The following SNRNP200 variants were observed in gnomAD, a reference collection of about 807,000 sequenced individuals.
SNRNP200 encodes U5 small nuclear ribonucleoprotein 200 kDa helicase.
SNRNP200 carries 66 observed loss-of-function variants against 255.2 expected under a neutral mutation model. The ratio of observed to expected loss-of-function variants is 0.26; its 90% CI spans 0.21 to 0.32. The LOEUF is 0.32. Ranked by LOEUF, SNRNP200 falls within the 10% of genes least tolerant of loss-of-function variation. The pLI is 1.00. For missense variants in SNRNP200, 1,585 were observed against 2,749.8 expected, an observed-to-expected ratio of 0.58 and a Z score of 9.47; for synonymous variants, 939 against 1,027.8, an observed-to-expected ratio of 0.91 and a Z score of 1.65.
chr2:96,298,532 C>CT (rs2063933451), intron 8 of SNRNP200, 71 bp downstream of exon 8: 1 of 1,608,452 alleles, frequency 6.2e-7, no homozygotes, highest in Admixed American at 1.7e-5. Flanking sequence ...GCTGTGAAAA[C>CT]AACAGAATCT....
At chr2:96,292,030 G>A in intron 16 of SNRNP200, 130 bp from the exon 17 acceptor site, 1 of 1,003,072 alleles carries the variant, frequency 1.0e-6, no homozygotes, top group Non-Finnish European at 1.5e-6. Context: ...GCAGGAATGT[G>A]TGCAGGCTCA....
rs1327992391 is a variant in SNRNP200 at position 96,291,012 on chromosome 2, A to T, written c.2422-197T>A. Reference sequence around the variant, plus strand: ...GGGTTCCTCATCTATTCAGTAATGAACATTTCAAGGTTCCAGAGGCACAAG... The same window carrying T: ...GGGTTCCTCATCTATTCAGTAATGATCATTTCAAGGTTCCAGAGGCACAAG... On this transcript the variant is annotated intron_variant, in intron 18 of 44. Transcript: ENST00000323853. The surrounding 1 kb of genome is among the most constrained non-coding windows in gnomAD (Gnocchi z 4.2). 6.6e-6 allele frequency among the ~76,000 whole-genome samples: 1 copy of T among 152,194 alleles called. No individual in the cohort carries two copies. Among genetic ancestry groups the T allele is most frequent in the Non-Finnish European group, 1.5e-5 (1 of 68,020 alleles).
At position 96,300,984 on chromosome 2, in the gene SNRNP200, T is replaced by G. The variant is rs2063949035; in HGVS notation, c.630+14A>C. ...GTCAAAAACAAGAATGGACTGGGTA[T>G]GTTTATCACTCACCTCCTCATCAGA... On this transcript the variant is annotated intron_variant, in intron 5 of 44. Transcript: ENST00000323853. The G allele has an allele frequency of 6.2e-7, 1 of 1,610,840 alleles. No homozygotes were observed. The highest frequency in any genetic ancestry group is 1.7e-5 in the Admixed American group (1 of 60,000).
chr2:96,298,235 A>C, intron 9 of SNRNP200, 49 bp downstream of exon 9: 2 of 1,613,094 alleles, frequency 1.2e-6, no homozygotes, highest in Non-Finnish European at 8.5e-7. Context: ...GCAATCTTCT[A>C]GCCACCGTTA....
chr2:96,302,540 T>C (rs778298011), intron 3 of SNRNP200, among the ~76,000 whole-genome samples: 5 of 152,218 alleles, frequency 3.3e-5, no homozygotes, highest in Non-Finnish European at 7.3e-5. Flanking sequence ...AATTGTGCAG[T>C]GGACACAAGC....
chr2:96,293,208 CA>C lies in SNRNP200; in HGVS notation c.2036+107del, dbSNP rs1251435942. On this transcript the variant is annotated intron_variant, in intron 15 of 44. Transcript: ENST00000323853. ...TCCTCCTTTATGATTCACACCACAT[CA>C]AAACCCAAAGGCCCTTCTAAAACCC... 1.4e-4 allele frequency: 224 copies of C among 1,573,498 alleles called. 1 individual carries two copies. The East Asian group carries it at 4.8e-3, about 34-fold the overall frequency.
At chr2:96,297,280 A>G (rs2063922724) in intron 11 of SNRNP200, 83 bp downstream of exon 11, 1 of 1,574,346 alleles carries the variant, frequency 6.4e-7, no homozygotes, top group African/African-American at 1.3e-5. Flanking sequence ...CTATATATGA[A>G]ACAAGGCTAC....
chr2:96,293,336 A>C lies in SNRNP200; in HGVS notation c.2016T>G (p.Gly672=), dbSNP rs1458530810. 1 of 1,614,110 alleles carries C rather than the reference A, an allele frequency of 6.2e-7. No individual in the cohort carries two copies. Among genetic ancestry groups the C allele is most frequent in the South Asian group, 1.1e-5 (1 of 91,074 alleles). Residue 672 remains glycine, a synonymous_variant, in exon 15 of 45, where the codon GGT becomes GGG. Coordinates refer to ENST00000323853, the MANE Select transcript of SNRNP200 (RefSeq NM_014014.5). ...ATFLRVDPAK[G]LFYFDNSFRP... ...GATACCTGTTGTCAAAGTAAAAGAG[A>C]CCCTTGGCAGGGTCAACACGTAGAA... is the stretch of plus-strand genomic sequence containing the variant.
At chr2:96,276,563 A>C in intron 43 of SNRNP200, 1 of 354,424 alleles carries the variant, frequency 2.8e-6, no homozygotes, top group South Asian at 2.2e-5. Context: ...CTGGGACTAC[A>C]GGTGCCCACC....
chr2:96,289,979 C>G lies in SNRNP200; in HGVS notation c.2760G>C (p.Leu920=), dbSNP rs140118056. The change falls in exon 21 of 45, where the codon CTG becomes CTC. Residue 920 remains leucine (L), a synonymous_variant. Coordinates refer to ENST00000323853, the MANE Select transcript of SNRNP200 (RefSeq NM_014014.5). ...VQNAKDAVNW[L]GYAYLYIRML... is the part of the protein sequence containing the mutation. ...TTCGGATATAGAGGTAGGCATAGCC[C>G]AGCCAGTTCACCGCATCCTACAAGA... 10 of 1,614,022 alleles carry G rather than the reference C, an allele frequency of 6.2e-6. No individual in the cohort carries two copies. The African/African-American group carries it at 8.0e-5, about 13-fold the overall frequency.
rs764637409 is a variant in SNRNP200 at position 96,297,736 on chromosome 2, A to T, written c.1120-16T>A. ...ACCTTTCCTCCTGTAGTGGACAAAG[A>T]TAAAAATCACAAAAACAATTCATCA... On this transcript the variant is annotated splice_polypyrimidine_tract_variant and intron_variant, in intron 9 of 44. Transcript: ENST00000323853. 5.0e-6 allele frequency: 8 copies of T among 1,614,006 alleles called. No homozygotes were observed. Among genetic ancestry groups the T allele is most frequent in the Non-Finnish European group, 5.9e-6 (7 of 1,179,824 alleles).
At chr2:96,279,320 C>A in intron 36 of SNRNP200, 131 bp downstream of exon 36, 1 of 764,680 alleles carries the variant, frequency 1.3e-6, no homozygotes, top group Non-Finnish European at 2.2e-6. Flanking sequence ...AGGCTCGTCA[C>A]AAAAGAATTG....
In SNRNP200 at chr2:96,298,646, G is replaced by C; in HGVS notation, c.939C>G (p.Asn313Lys). ...ENQLVLLLGF[N>K]TFDFIKVLRQ... ...GCAACACTTTAATGAAATCAAAGGT[G>C]TTGAAACCAAGCAGCAGAACCAGCT... Residue 313 changes from asparagine (N) to lysine (K), a missense_variant, in exon 8 of 45, where the codon AAC becomes AAG. Coordinates refer to ENST00000323853, the MANE Select transcript of SNRNP200 (RefSeq NM_014014.5). 1.2e-6 allele frequency: 2 copies of C among 1,614,172 alleles called. No individual in the cohort carries two copies. The highest frequency in any genetic ancestry group is 1.7e-6 in the Non-Finnish European group (2 of 1,180,030).
chr2:96,292,334 T>C (rs1476429225), intron 16 of SNRNP200, among the ~76,000 whole-genome samples: 1 of 152,236 alleles, frequency 6.6e-6, no homozygotes, highest in African/African-American at 2.4e-5. Context: ...AATGAAGTCT[T>C]CCTAGTATTT....
intron 35 of SNRNP200, among the ~76,000 whole-genome samples, chr2:96,280,759 A>G (rs2104335551): frequency 6.6e-6 from 1 of 151,786 alleles, no homozygotes; most frequent in East Asian, 1.9e-4. Context: ...CACATTGGCC[A>G]GACTGGTCTC....
chr2:96,297,497 C>A lies in SNRNP200; in HGVS notation c.1243G>T (p.Val415Phe). 6.2e-7 allele frequency: 1 copy of A among 1,614,086 alleles called. No homozygotes were observed. The highest frequency in any genetic ancestry group is 8.5e-7 in the Non-Finnish European group (1 of 1,180,002). ...PRQVLDLEDL[V>F]FTQGSHFMAN... Reference sequence around the variant, plus strand: ...ATAAAGTGGCTCCCTTGGGTAAAAACCAGGTCCTCCAAGTCCAGAACCTGC... The same window carrying A: ...ATAAAGTGGCTCCCTTGGGTAAAAAACAGGTCCTCCAAGTCCAGAACCTGC... Residue 415 changes from valine (V) to phenylalanine (F), a missense_variant, in exon 11 of 45, where the codon GTT (valine) becomes TTT (phenylalanine). This residue lies in a region of SNRNP200 where 383 missense variants were observed against 645.3 expected (regional missense o/e 0.59). Coordinates refer to ENST00000323853, the MANE Select transcript of SNRNP200 (RefSeq NM_014014.5).
chr2:96,281,983 T>G, intron 34 of SNRNP200, 61 bp from the exon 35 acceptor site: 2 of 1,303,506 alleles, frequency 1.5e-6, no homozygotes, highest in Non-Finnish European at 2.2e-6. Context: ...GTAGGCTCAC[T>G]GCCTCATGGG....
rs199765373 is a variant in SNRNP200, at chr2:96,278,190, C to T, written c.5610+47G>A. 27 of 1,613,774 alleles carry T rather than the reference C, an allele frequency of 1.7e-5. No homozygotes were observed. The highest frequency in any genetic ancestry group is 9.3e-5 in the African/African-American group (7 of 75,010). ...TGCCATGTGCTCTGGGCACACAGGCCGAGTTTGTTGTTCCCAGGATGCTCT... is the reference window on the plus strand; with the variant it reads ...TGCCATGTGCTCTGGGCACACAGGCTGAGTTTGTTGTTCCCAGGATGCTCT... On this transcript the variant is annotated intron_variant, in intron 39 of 44. Coordinates refer to ENST00000323853, the MANE Select transcript of SNRNP200 (RefSeq NM_014014.5). The surrounding 1 kb of genome is among the most constrained non-coding windows in gnomAD (Gnocchi z 6.9).
Position 96,290,580 on chromosome 2 carries a change from C to T in SNRNP200, c.2554-66G>A. ...AATGTCTGAATTTTGATGCAGGTATCTACATTACAGAACTAGACCTCTGAT... is the reference window on the plus strand; with the variant it reads ...AATGTCTGAATTTTGATGCAGGTATTTACATTACAGAACTAGACCTCTGAT... On this transcript the variant is annotated intron_variant, in intron 19 of 44. Transcript: ENST00000323853. This position sits in a 1 kb window ranked among gnomAD's most constrained non-coding sequence, Gnocchi z 4.5. 1 of 1,611,936 alleles carries T rather than the reference C, an allele frequency of 6.2e-7. No individual in the cohort carries two copies. Among genetic ancestry groups the T allele is most frequent in the Non-Finnish European group, 8.5e-7 (1 of 1,178,042 alleles).
Sources: gnomAD v4.1 joint callset for allele counts (sites outside exome capture counted in the v4.1 genomes callset) on GRCh38, gnomAD v4.1.1 for gene constraint, gnomAD v4.1.1 regional missense constraint, Gnocchi (gnomAD v3.1) non-coding constraint, MANE v1.5 for transcripts, NCBI Gene and HGNC (gene_info 2026-07-23, HGNC 2026-07-21) for gene names.